Variants in LPP observed in about 807,000 individuals in gnomAD.
LPP encodes the protein lipoma-preferred partner.
A neutral mutation model predicts 60.4 loss-of-function variants in LPP; 38 were observed. The observed-to-expected ratio is 0.63, with a 90% CI of 0.49 to 0.83. The LOEUF is 0.83. Among genes scored for constraint, LPP ranks in the 40% least tolerant of loss-of-function variants. The pLI is 0.00. For missense variants in LPP, 902 were observed against 783.6 expected, an observed-to-expected ratio of 1.15 and a Z score of -1.80; for synonymous variants, 328 against 290.8, an observed-to-expected ratio of 1.13 and a Z score of -1.30.
chr3:188,680,668 G>T (rs1391948373), intron 7 of LPP, among the ~76,000 whole-genome samples: 3 of 152,146 alleles, frequency 2.0e-5, no homozygotes, highest in African/African-American at 7.2e-5. Flanking sequence ...TTTCTTAAAA[G>T]CCTATCTTTA....
At chr3:188,503,735 T>C (rs1037638752) in intron 5 of LPP, among the ~76,000 whole-genome samples, 1 of 152,118 alleles carries the variant, frequency 6.6e-6, no homozygotes, top group Non-Finnish European at 1.5e-5. Flanking sequence ...TAATTTTTTT[T>C]CCTTTTAGCA....
chr3:188,348,314 T>C (rs749156550), intron 3 of LPP, among the ~76,000 whole-genome samples: 2 of 151,854 alleles, frequency 1.3e-5, no homozygotes, highest in African/African-American at 4.8e-5. Context: ...GCCCAGCTAA[T>C]TTTTTGTATT....
At chr3:188,468,022 C>T (rs1279172055) in intron 4 of LPP, among the ~76,000 whole-genome samples, 1 of 152,066 alleles carries the variant, frequency 6.6e-6, no homozygotes, top group East Asian at 1.9e-4. Context: ...ATGTTTTTCT[C>T]CTTTCTAGGC....
intron 5 of LPP, among the ~76,000 whole-genome samples, chr3:188,485,814 ATG>A (rs1806320032): frequency 6.9e-6 from 1 of 145,670 alleles, no homozygotes; most frequent in Non-Finnish European, 1.5e-5. Context: ...AAAAAAAAAA[ATG>A]GAATGGTGTC....
At chr3:188,235,857 A>T (rs566001638) in intron 2 of LPP, among the ~76,000 whole-genome samples, 2 of 152,312 alleles carry the variant, frequency 1.3e-5, no homozygotes, top group South Asian at 4.1e-4. Flanking sequence ...TAAAGCATTC[A>T]TGCCACTTCA....
intron 3 of LPP, among the ~76,000 whole-genome samples, chr3:188,351,993 ATT>A (rs1765993617): frequency 1.3e-5 from 2 of 151,832 alleles, no homozygotes; most frequent in South Asian, 4.1e-4. Context: ...CACTTACTAC[ATT>A]TTACTCCTGC....
In LPP at chr3:188,247,163, C is replaced by G. The variant is rs575572234; in HGVS notation, c.-67+21636C>G. ...TTTCGGCATGAAGGCAAGGAACTGT[C>G]CAGAAGACCTCTGGAGAATTCTTCT... On this transcript the variant is annotated intron_variant, in intron 2 of 11. Coordinates refer to ENST00000617246, the MANE Select transcript of LPP (RefSeq NM_001375462.1). The G allele has an allele frequency of 4.9e-5, 48 of 984,974 alleles. No homozygotes were observed. In the African/African-American group the frequency reaches 7.3e-4, roughly 15 times the overall value. 61.0% of individuals were successfully genotyped at this position (984,974 alleles called of 1,614,324 possible).
intron 7 of LPP, among the ~76,000 whole-genome samples, chr3:188,636,711 G>A (rs1301629401): frequency 6.6e-6 from 1 of 152,010 alleles, no homozygotes; most frequent in East Asian, 1.9e-4. Flanking sequence ...CTGGAGATCT[G>A]AGAATGGGCA....
intron 7 of LPP, among the ~76,000 whole-genome samples, chr3:188,675,546 T>C (rs1857865847): frequency 6.6e-6 from 1 of 152,218 alleles, no homozygotes; most frequent in Admixed American, 6.5e-5. Context: ...GGGGTGTTGG[T>C]AGTAATCTGT....
chr3:188,739,224 C>T (rs781685465), intron 8 of LPP, among the ~76,000 whole-genome samples: 7 of 151,780 alleles, frequency 4.6e-5, no homozygotes, highest in East Asian at 1.9e-4. Context: ...CAGTTTTAAA[C>T]GGGCAATCCA....
intron 5 of LPP, among the ~76,000 whole-genome samples, chr3:188,499,673 C>T (rs564652479): frequency 2.0e-5 from 3 of 152,212 alleles, no homozygotes; most frequent in South Asian, 4.1e-4. Flanking sequence ...ATCGGGACCG[C>T]ATTAAGTCTG....
chr3:188,660,804 G>T (rs573384063), intron 7 of LPP, among the ~76,000 whole-genome samples: 77 of 152,254 alleles, frequency 5.1e-4, no homozygotes, highest in Middle Eastern at 3.4e-3. Context: ...TCTCTGACGA[G>T]AGTGGCACAT....
intron 2 of LPP, among the ~76,000 whole-genome samples, chr3:188,281,137 T>C (rs542605645): frequency 6.6e-4 from 100 of 152,236 alleles, no homozygotes; most frequent in South Asian, 2.7e-3. Context: ...TTAAAACAAT[T>C]TGCACATATG....
intron 1 of LPP, among the ~76,000 whole-genome samples, chr3:188,177,420 T>A (rs1172701215): frequency 6.6e-6 from 1 of 152,148 alleles, no homozygotes; most frequent in Non-Finnish European, 1.5e-5. Flanking sequence ...TGGACCAGCA[T>A]AGGAGGGTGG....
intron 4 of LPP, among the ~76,000 whole-genome samples, chr3:188,469,264 A>G (rs1453522951): frequency 6.6e-6 from 1 of 152,140 alleles, no homozygotes; most frequent in Non-Finnish European, 1.5e-5. Flanking sequence ...GTGTTTATAC[A>G]TCAAAGTGGG....
intron 1 of LPP, among the ~76,000 whole-genome samples, chr3:188,202,580 G>T (rs1403355257): frequency 6.6e-6 from 1 of 152,186 alleles, no homozygotes; most frequent in Non-Finnish European, 1.5e-5. Context: ...AGGTTCACGC[G>T]CTATGACCAT....
At chr3:188,404,653 C>T (rs1783014695) in intron 3 of LPP, among the ~76,000 whole-genome samples, 1 of 152,190 alleles carries the variant, frequency 6.6e-6, no homozygotes, top group South Asian at 2.1e-4. Context: ...AACACTGTTT[C>T]CCAGCTCTCC....
chr3:188,501,535 G>A (rs1455898495), intron 5 of LPP, among the ~76,000 whole-genome samples: 2 of 151,584 alleles, frequency 1.3e-5, no homozygotes, highest in Admixed American at 6.6e-5. Flanking sequence ...GGATCACGAG[G>A]TCAGGAGATC....
intron 2 of LPP, among the ~76,000 whole-genome samples, chr3:188,252,031 G>T (rs1359266341): frequency 2.4e-5 from 1 of 41,416 alleles, no homozygotes; most frequent in Non-Finnish European, 4.4e-5. Context: ...TTTTAATCCT[G>T]ATATATATAT....
Sources: allele counts gnomAD v4.1 joint callset (sites outside exome capture counted in the v4.1 genomes callset), GRCh38; gene constraint gnomAD v4.1.1; transcripts MANE v1.5; gene names NCBI Gene and HGNC (gene_info 2026-07-23, HGNC 2026-07-21).